The following FHIT variants were observed in gnomAD, a reference collection of about 807,000 sequenced individuals.
FHIT encodes the protein fragile histidine triad diadenosine triphosphatase, also known as bis(5'-adenosyl)-triphosphatase.
In FHIT, 19 loss-of-function variants were observed where a neutral mutation model predicts 17.9. That is an observed-to-expected ratio of 1.06 (90% CI 0.74 to 1.56). The LOEUF (loss-of-function observed/expected upper bound fraction) is 1.56, where lower values mean the gene tolerates loss of function less well. Among genes scored for constraint, FHIT ranks in the 40% most tolerant of loss-of-function variants. The pLI, the probability that FHIT is intolerant of heterozygous loss-of-function variation, is 0.00. For synonymous variants in FHIT, 81 were observed against 69.7 expected, an observed-to-expected ratio of 1.16 and a Z score of -0.81; for missense variants, 248 against 189.2, an observed-to-expected ratio of 1.31 and a Z score of -1.82.
At chr3:60,698,630 A>G (rs1553701266) in intron 4 of FHIT, among the ~76,000 whole-genome samples, 1 of 152,178 alleles carries the variant, frequency 6.6e-6, no homozygotes, top group East Asian at 1.9e-4. Context: ...CAATAGGCCT[A>G]CATTATCAAC....
chr3:60,484,341 T>C (rs1418576601), intron 5 of FHIT, among the ~76,000 whole-genome samples: 1 of 152,114 alleles, frequency 6.6e-6, no homozygotes, highest in African/African-American at 2.4e-5. Flanking sequence ...ATGGAATCTA[T>C]GAAGACCTCT....
At chr3:60,700,003 T>C (rs2041206108) in intron 4 of FHIT, among the ~76,000 whole-genome samples, 1 of 151,614 alleles carries the variant, frequency 6.6e-6, no homozygotes, top group Non-Finnish European at 1.5e-5. Context: ...GTGGGGTGCA[T>C]GCCTGTAATC....
intron 5 of FHIT, among the ~76,000 whole-genome samples, chr3:60,504,736 T>C (rs2034660092): frequency 6.6e-6 from 1 of 152,184 alleles, no homozygotes; most frequent in African/African-American, 2.4e-5. Flanking sequence ...TTTTTAATTG[T>C]GAGAAGGATA....
chr3:60,707,418 G>A (rs1559655729), intron 4 of FHIT, among the ~76,000 whole-genome samples: 1 of 152,168 alleles, frequency 6.6e-6, no homozygotes, highest in Non-Finnish European at 1.5e-5. Flanking sequence ...ACTTAACAGA[G>A]TATTTATTGA....
intron 2 of FHIT, among the ~76,000 whole-genome samples, chr3:61,106,074 A>T (rs1188269001): frequency 6.6e-6 from 1 of 152,164 alleles, no homozygotes; most frequent in Non-Finnish European, 1.5e-5. Context: ...GTATCCTTGG[A>T]CAAGTCACTG....
intron 4 of FHIT, among the ~76,000 whole-genome samples, chr3:60,567,956 C>A (rs541920081): frequency 6.6e-6 from 1 of 152,118 alleles, no homozygotes; most frequent in African/African-American, 2.4e-5. Flanking sequence ...AGTCAGGAAA[C>A]AACAGGTGCT....
intron 5 of FHIT, among the ~76,000 whole-genome samples, chr3:60,352,157 A>G (rs1051030601): frequency 1.3e-5 from 2 of 152,188 alleles, no homozygotes; most frequent in Non-Finnish European, 2.9e-5. Flanking sequence ...TGCAGAGAAA[A>G]TAAGTGAGTT....
intron 5 of FHIT, among the ~76,000 whole-genome samples, chr3:60,527,809 C>A (rs193059339): frequency 6.6e-6 from 1 of 152,134 alleles, no homozygotes; most frequent in South Asian, 2.1e-4. Flanking sequence ...CCCACCCCAC[C>A]GTACATAGAA....
At chr3:59,794,561 T>A (rs564763680) in intron 8 of FHIT, among the ~76,000 whole-genome samples, 1 of 152,212 alleles carries the variant, frequency 6.6e-6, no homozygotes, top group Non-Finnish European at 1.5e-5. Flanking sequence ...CACCTTTATA[T>A]GTATCGCCTC....
chr3:60,630,947 A>C (rs2885866), intron 4 of FHIT, among the ~76,000 whole-genome samples: 21,104 of 125,584 alleles, frequency 0.17, 1,601 homozygotes, highest in South Asian at 0.19. Context: ...AAAAAAAAAA[A>C]AAAAAAAAAC....
chr3:60,456,790 T>C (rs1288908851), intron 5 of FHIT, among the ~76,000 whole-genome samples: 1 of 152,128 alleles, frequency 6.6e-6, no homozygotes, highest in Non-Finnish European at 1.5e-5. Context: ...AGACTTTTAA[T>C]ACATCAAGAC....
At chr3:60,036,182 A>T (rs1701209127) in intron 5 of FHIT, among the ~76,000 whole-genome samples, 1 of 152,226 alleles carries the variant, frequency 6.6e-6, no homozygotes, top group East Asian at 1.9e-4. Context: ...AAGAAAGAAG[A>T]ACTAAAAATA....
chr3:60,686,706 C>T (rs1553698549), intron 4 of FHIT, among the ~76,000 whole-genome samples: 1 of 152,018 alleles, frequency 6.6e-6, no homozygotes, highest in African/African-American at 2.4e-5. Flanking sequence ...CTTTTCTGGC[C>T]CTCTTTTTAA....
At chr3:60,303,689 C>T (rs926344676) in intron 5 of FHIT, among the ~76,000 whole-genome samples, 10 of 152,150 alleles carry the variant, frequency 6.6e-5, no homozygotes, top group Non-Finnish European at 1.0e-4. Context: ...AGTAGACAAT[C>T]GTGCTGAGCC....
At chr3:60,380,017 T>C (rs539964702) in intron 5 of FHIT, among the ~76,000 whole-genome samples, 39 of 152,332 alleles carry the variant, frequency 2.6e-4, no homozygotes, top group African/African-American at 9.1e-4. Context: ...ATGTGATCCA[T>C]TCACTATTCT....
chr3:61,206,359 T>C (rs1361926899), intron 1 of FHIT, among the ~76,000 whole-genome samples: 2 of 140,864 alleles, frequency 1.4e-5, no homozygotes, highest in African/African-American at 2.6e-5. Context: ...GTGAAGAAAG[T>C]CATTGGTAGC....
intron 5 of FHIT, among the ~76,000 whole-genome samples, chr3:60,426,206 G>A (rs1702658194): frequency 6.6e-6 from 1 of 152,094 alleles, no homozygotes; most frequent in African/African-American, 2.4e-5. Flanking sequence ...CTCACATGAT[G>A]ATTGTAAAAA....
At position 59,918,130 on chromosome 3, in the gene FHIT, T is replaced by C. The variant is rs976129306; in HGVS notation, c.348+4216A>G. Among the ~76,000 whole-genome samples, 5 of 152,214 alleles carry C rather than the reference T, an allele frequency of 3.3e-5. No individual in the cohort carries two copies. In the East Asian group the frequency reaches 7.7e-4, roughly 23 times the overall value. The stretch of plus-strand genomic sequence containing the variant: ...CCCAGTGTGGCTATGAGTTAGTGAA[T>C]TGACCGTCTGAAGAGCAATATATAG... On this transcript the variant is annotated intron_variant, in intron 8 of 9. Coordinates refer to ENST00000492590, the MANE Select transcript of FHIT (RefSeq NM_002012.4).
rs536894651 is a variant in FHIT at position 59,898,197 on chromosome 3, A to T, written c.348+24149T>A. The stretch of plus-strand genomic sequence containing the variant: ...TGGACAAAGTTATTTAAAATATTAC[A>T]TACAATTATCTTCAGGCTATTTGTA... On this transcript the variant is annotated intron_variant, in intron 8 of 9. Transcript: ENST00000492590. 7.2e-5 allele frequency among the ~76,000 whole-genome samples: 11 copies of T among 152,322 alleles called. No homozygotes were observed. In the South Asian group the frequency reaches 2.1e-3, roughly 29 times the overall value.
Sources: allele counts gnomAD v4.1 joint callset (sites outside exome capture counted in the v4.1 genomes callset), GRCh38; gene constraint gnomAD v4.1.1; transcripts MANE v1.5; gene names NCBI Gene and HGNC (gene_info 2026-07-23, HGNC 2026-07-21).